Variants in RARA observed in about 807,000 individuals in gnomAD.
The protein encoded by RARA is retinoic acid receptor alpha, also known as PML-DDX5-RARA fusion.
A neutral mutation model predicts 42.8 loss-of-function variants in RARA; 5 were observed. That is an observed-to-expected ratio of 0.12 (90% CI 0.06 to 0.25). The LOEUF (loss-of-function observed/expected upper bound fraction) is 0.25. Among genes scored for constraint, RARA ranks in the 10% least tolerant of loss-of-function variants. RARA has a pLI of 1.00. For missense variants in RARA, 402 were observed against 628.7 expected (o/e 0.64, Z 3.86); for synonymous variants, 256 against 259.5 (o/e 0.99, Z 0.13).
chr17:40,323,731 T>G (rs1598540852), intron 1 of RARA, among the ~76,000 whole-genome samples: 1 of 34,544 alleles, frequency 2.9e-5, no homozygotes, highest in Non-Finnish European at 5.6e-5. Flanking sequence ...GGAAGTTGCT[T>G]GGGGGGGGGT....
intron 1 of RARA, among the ~76,000 whole-genome samples, chr17:40,311,121 T>C (rs934045632): frequency 6.6e-6 from 1 of 151,902 alleles, no homozygotes; most frequent in African/African-American, 2.4e-5. Context: ...GGCGTCCTTG[T>C]CTCTCTCTCC....
chr17:40,355,556 T>C lies in RARA; in HGVS notation c.1171+135T>C. On this transcript the variant is annotated intron_variant, in intron 8 of 8. Transcript: ENST00000254066. The surrounding 1 kb of genome is among the most constrained non-coding windows in gnomAD (Gnocchi z 4.1). ...CATCTGTGTCTAGGCTGAGGTCCCC[T>C]AGTGACTCCACTTTGCCGAGGTGGC... is the stretch of plus-strand genomic sequence containing the variant. 1 of 1,262,524 alleles carries C rather than the reference T, an allele frequency of 7.9e-7. No individual in the cohort carries two copies. Among genetic ancestry groups the C allele is most frequent in the Non-Finnish European group, 1.1e-6 (1 of 930,412 alleles). The allele number at this position is 1,262,524 out of a possible 1,614,324, so 78.2% of individuals were successfully genotyped here.
At chr17:40,344,072 G>A (rs948832344) in intron 2 of RARA, among the ~76,000 whole-genome samples, 3 of 151,574 alleles carry the variant, frequency 2.0e-5, no homozygotes, top group African/African-American at 4.9e-5. Flanking sequence ...CCTCCCTCCT[G>A]CCTGCCAGGG....
chr17:40,322,736 AG>A (rs1463019345), intron 1 of RARA, among the ~76,000 whole-genome samples: 1 of 151,416 alleles, frequency 6.6e-6, no homozygotes, highest in African/African-American at 2.4e-5. Flanking sequence ...AGGGGGGTTA[AG>A]GGGGGGACCC....
chr17:40,320,871 C>T lies in RARA; in HGVS notation c.-362-9986C>T, dbSNP rs1411819335. On this transcript the variant is annotated intron_variant, in intron 1 of 8. Coordinates refer to ENST00000254066, the MANE Select transcript of RARA (RefSeq NM_000964.4). The surrounding 1 kb of genome is among the most constrained non-coding windows in gnomAD (Gnocchi z 4.1). Reference sequence around the variant, plus strand: ...GTAATCTCCGCTTGCTCAGTACCCACACCCATCTTGTGTCGGTAGTTTTGG... The same window carrying T: ...GTAATCTCCGCTTGCTCAGTACCCATACCCATCTTGTGTCGGTAGTTTTGG... Among the ~76,000 whole-genome samples the T allele has an allele frequency of 6.6e-6, 1 of 152,212 alleles. No homozygotes were observed. Among genetic ancestry groups the T allele is most frequent in the Admixed American group, 6.5e-5 (1 of 15,280 alleles).
rs193256515 is a variant in RARA, at chr17:40,328,674, T to G, written c.-362-2183T>G. On this transcript the variant is annotated intron_variant, in intron 1 of 8. Transcript: ENST00000254066. The stretch of plus-strand genomic sequence containing the variant: ...GCCTATCCTGGATATTTCATATAAA[T>G]GGAATCCTACAATACATGGTCTTTG... Among the ~76,000 whole-genome samples, 16 of 152,358 alleles carry G rather than the reference T, an allele frequency of 1.1e-4. No homozygotes were observed. In the East Asian group the frequency reaches 3.1e-3, roughly 29 times the overall value.
intron 1 of RARA, among the ~76,000 whole-genome samples, chr17:40,313,609 C>G (rs1339713270): frequency 6.6e-6 from 1 of 152,144 alleles, no homozygotes; most frequent in African/African-American, 2.4e-5. Context: ...CTTCTTCCTT[C>G]AAATTAGTTC....
Position 40,351,792 on chromosome 17 carries a change from C to T in RARA, c.470-118C>T, listed in dbSNP as rs530867778. On this transcript the variant is annotated intron_variant, in intron 4 of 8. Transcript: ENST00000254066. The surrounding 1 kb of genome is among the most constrained non-coding windows in gnomAD (Gnocchi z 4.1). ...CCTGCCCGTGAACGCGTGCTGTGTG[C>T]GCGTGCTTACAAGCCTGGGTGACCT... The T allele has an allele frequency of 3.6e-5, 48 of 1,339,860 alleles. No individual in the cohort carries two copies. The South Asian group carries it at 5.0e-4, about 14-fold the overall frequency. The allele number at this position is 1,339,860 out of a possible 1,614,324, so 83.0% of individuals were successfully genotyped here.
chr17:40,352,211 C>G lies in RARA; in HGVS notation c.631-120C>G, dbSNP rs2143501136. 5 of 1,499,506 alleles carry G rather than the reference C, an allele frequency of 3.3e-6. No individual in the cohort carries two copies. In the South Asian group the frequency reaches 5.5e-5, roughly 16 times the overall value. The allele number at this position is 1,499,506 out of a possible 1,614,324, so 92.9% of individuals were successfully genotyped here. A position where few individuals can be genotyped will look rare whatever the true frequency, so the allele number is the denominator to read the frequency against. On this transcript the variant is annotated intron_variant, in intron 5 of 8. Coordinates refer to ENST00000254066, the MANE Select transcript of RARA (RefSeq NM_000964.4). The surrounding 1 kb of genome is among the most constrained non-coding windows in gnomAD (Gnocchi z 4.9). Reference sequence around the variant, plus strand: ...CCTCTCTTCTCCCTCCTCCTGCTGCCTCTTCCCAAGGAGCTCCCAGGAAGT... The same window carrying G: ...CCTCTCTTCTCCCTCCTCCTGCTGCGTCTTCCCAAGGAGCTCCCAGGAAGT...
chr17:40,342,407 G>A, intron 2 of RARA: 1 of 1,158,966 alleles, frequency 8.6e-7, no homozygotes, highest in Non-Finnish European at 1.1e-6. Flanking sequence ...CTAGACGGGA[G>A]TCCCCTCGAG....
intron 1 of RARA, among the ~76,000 whole-genome samples, chr17:40,330,028 C>G (rs765298366): frequency 1.3e-5 from 2 of 152,204 alleles, no homozygotes; most frequent in Non-Finnish European, 2.9e-5. Context: ...TGCATATCCT[C>G]TGGTGCCAGC....
At chr17:40,325,203 A>G (rs2033503556) in intron 1 of RARA, among the ~76,000 whole-genome samples, 1 of 151,992 alleles carries the variant, frequency 6.6e-6, no homozygotes. Flanking sequence ...GTGAGCCGAG[A>G]TTGCGCCATT....
At chr17:40,347,033 C>T (rs2034288890) in intron 2 of RARA, among the ~76,000 whole-genome samples, 1 of 152,244 alleles carries the variant, frequency 6.6e-6, no homozygotes, top group Admixed American at 6.5e-5. Flanking sequence ...TAGTCAGCCC[C>T]TGGTGTTCCC....
chr17:40,329,504 G>A (rs1480816865), intron 1 of RARA, among the ~76,000 whole-genome samples: 4 of 152,160 alleles, frequency 2.6e-5, no homozygotes, highest in Admixed American at 2.0e-4. Flanking sequence ...TTTTTTAGTA[G>A]AGATGGGGTT....
intron 2 of RARA, among the ~76,000 whole-genome samples, chr17:40,333,354 ATGTTT>A (rs2033756080): frequency 6.7e-6 from 1 of 148,178 alleles, no homozygotes; most frequent in South Asian, 2.1e-4. Context: ...GGCCATTTTT[ATGTTT>A]TAAGACAGGG....
At chr17:40,325,904 C>G (rs2033532325) in intron 1 of RARA, among the ~76,000 whole-genome samples, 1 of 152,166 alleles carries the variant, frequency 6.6e-6, no homozygotes, top group Non-Finnish European at 1.5e-5. Flanking sequence ...GTTTGGGGTC[C>G]CCTGCTCTTC....
At chr17:40,334,745 T>C (rs576623734) in intron 2 of RARA, among the ~76,000 whole-genome samples, 2 of 152,246 alleles carry the variant, frequency 1.3e-5, no homozygotes, top group South Asian at 2.1e-4. Flanking sequence ...CCTACTCCCA[T>C]TCCCCATCCA....
chr17:40,336,122 C>T (rs2033842303), intron 2 of RARA, among the ~76,000 whole-genome samples: 1 of 152,190 alleles, frequency 6.6e-6, no homozygotes, highest in Non-Finnish European at 1.5e-5. Context: ...GTCGCCCAGG[C>T]TGGAGTACAG....
chr17:40,348,226 CT>C, intron 2 of RARA, 89 bp from the exon 3 acceptor site: 2 of 1,427,304 alleles, frequency 1.4e-6, no homozygotes, highest in Non-Finnish European at 1.9e-6. Context: ...CTGGGAGAGG[CT>C]CTTAGGAGGG....
Sources: allele counts gnomAD v4.1 joint callset (sites outside exome capture counted in the v4.1 genomes callset), GRCh38; gene constraint gnomAD v4.1.1; non-coding constraint Gnocchi (gnomAD v3.1); transcripts MANE v1.5; gene names NCBI Gene and HGNC (gene_info 2026-07-23, HGNC 2026-07-21).